TJP1: variants seen among roughly 807,000 people sequenced by gnomAD.
TJP1 encodes tight junction protein 1, also known as tight junction protein ZO-1.
TJP1 carries 43 observed loss-of-function variants against 194.2 expected under a neutral mutation model. The observed-to-expected ratio is 0.22, with a 90% CI of 0.17 to 0.29. The LOEUF is 0.29. Among genes scored for constraint, TJP1 ranks in the 10% least tolerant of loss-of-function variants. The pLI is 1.00. For missense variants in TJP1, 1,971 were observed against 2,185.7 expected, an observed-to-expected ratio of 0.90 and a Z score of 1.96; for synonymous variants, 801 against 779.0, an observed-to-expected ratio of 1.03 and a Z score of -0.47.
At chr15:29,815,865 G>C (rs1437705691) in intron 1 of TJP1, among the ~76,000 whole-genome samples, 1 of 152,196 alleles carries the variant, frequency 6.6e-6, no homozygotes, top group African/African-American at 2.4e-5. Context: ...GTCAGAGCCA[G>C]ACCTTGTTTC....
intron 2 of TJP1, among the ~76,000 whole-genome samples, chr15:29,916,116 G>A (rs2054175954): frequency 6.6e-6 from 1 of 151,838 alleles, no homozygotes; most frequent in Admixed American, 6.6e-5. Flanking sequence ...GTGGTGGCAG[G>A]CACCTGTAAT....
At chr15:29,862,018 T>G (rs943851610) in intron 2 of TJP1, among the ~76,000 whole-genome samples, 31 of 152,304 alleles carry the variant, frequency 2.0e-4, no homozygotes, top group African/African-American at 7.0e-4. Context: ...TTAATTTTTG[T>G]GTATAGTATG....
intron 2 of TJP1, among the ~76,000 whole-genome samples, chr15:29,950,721 T>A (rs1159792590): frequency 6.6e-6 from 1 of 152,198 alleles, no homozygotes; most frequent in African/African-American, 2.4e-5. Flanking sequence ...GTTCTCACCA[T>A]TTCATGCCCA....
At chr15:29,867,923 G>A (rs1007962442) in intron 2 of TJP1, among the ~76,000 whole-genome samples, 6 of 152,092 alleles carry the variant, frequency 3.9e-5, no homozygotes, top group African/African-American at 1.4e-4. Context: ...GGGTGTGGTG[G>A]TGCATGCCAG....
chr15:29,863,025 T>G lies in TJP1; in HGVS notation c.307-62323A>C, dbSNP rs1004888910. ...AATCTGATTGCTTGTCTGGGCACGG[T>G]GGCTCATGCCTATAATCCGAGCACT... On this transcript the variant is annotated intron_variant, in intron 2 of 28. Transcript: ENST00000356107. Among the ~76,000 whole-genome samples the G allele has an allele frequency of 5.2e-4, 78 of 151,248 alleles. 1 individual carries two copies. Among genetic ancestry groups the G allele is most frequent in the African/African-American group, 1.8e-3 (73 of 41,352 alleles).
intron 2 of TJP1, among the ~76,000 whole-genome samples, chr15:29,836,570 G>A (rs73369389): frequency 0.02 from 3,010 of 152,122 alleles, 107 homozygotes; most frequent in African/African-American, 0.07. Context: ...GCGCCCAGCC[G>A]GGATGATCAA....
intron 2 of TJP1, among the ~76,000 whole-genome samples, chr15:29,869,804 T>TCTTTC (rs1567150656): frequency 8.2e-6 from 1 of 121,926 alleles, no homozygotes; most frequent in African/African-American, 3.1e-5. Flanking sequence ...TCTTTTTTTT[T>TCTTTC]TTTTTTTTTT....
At chr15:29,774,232 C>T (rs1020672948) in intron 2 of TJP1, among the ~76,000 whole-genome samples, 1 of 151,972 alleles carries the variant, frequency 6.6e-6, no homozygotes, top group Non-Finnish European at 1.5e-5. Flanking sequence ...CTTTCCAGTC[C>T]GCAACAGAGG....
At chr15:29,930,756 T>C (rs552384305) in intron 2 of TJP1, among the ~76,000 whole-genome samples, 1 of 152,250 alleles carries the variant, frequency 6.6e-6, no homozygotes, top group East Asian at 1.9e-4. Flanking sequence ...AGGACTGGCG[T>C]AAGGATTGGA....
chr15:29,898,579 G>A (rs756049962), intron 2 of TJP1, among the ~76,000 whole-genome samples: 72 of 152,014 alleles, frequency 4.7e-4, no homozygotes, highest in African/African-American at 9.2e-4. Flanking sequence ...TTAGACAAAT[G>A]AACACAACAT....
In TJP1 at chr15:29,912,659, G is replaced by A. The variant is rs184608466; in HGVS notation, c.306+43573C>T. Among the ~76,000 whole-genome samples the A allele has an allele frequency of 4.7e-3, 572 of 122,038 alleles. 2 individuals are homozygous for A. The highest frequency in any genetic ancestry group is 0.017 in the African/African-American group (539 of 30,868). 80.1% of individuals were successfully genotyped at this position (122,038 alleles called of 152,430 possible). A position where few individuals can be genotyped will look rare whatever the true frequency, so the allele number is the denominator to read the frequency against. ...TACAGTGAGCTGAGATCATGCCACT[G>A]CACTCCAGCCTGGGAGACAGAGCAA... is the stretch of plus-strand genomic sequence containing the variant. On this transcript the variant is annotated intron_variant, in intron 2 of 28. Transcript: ENST00000356107.
chr15:29,702,182 A>G (rs925738445), intron 27 of TJP1, among the ~76,000 whole-genome samples: 1 of 152,106 alleles, frequency 6.6e-6, no homozygotes, highest in Admixed American at 6.5e-5. Flanking sequence ...CTCACACTCA[A>G]CTATAAACCA....
At chr15:29,874,559 T>A (rs2052633770) in intron 2 of TJP1, among the ~76,000 whole-genome samples, 1 of 152,174 alleles carries the variant, frequency 6.6e-6, no homozygotes, top group African/African-American at 2.4e-5. Context: ...AGCAAGTTGT[T>A]GTCTATGTTC....
At chr15:29,890,664 C>T (rs1321603248) in intron 2 of TJP1, among the ~76,000 whole-genome samples, 2 of 152,108 alleles carry the variant, frequency 1.3e-5, no homozygotes, top group South Asian at 2.1e-4. Context: ...GAATAGAGTC[C>T]GCTCAATAAA....
chr15:29,763,130 G>C (rs1047346949), intron 5 of TJP1, among the ~76,000 whole-genome samples: 5 of 152,084 alleles, frequency 3.3e-5, no homozygotes, highest in African/African-American at 1.2e-4. Flanking sequence ...GGCAGATGTG[G>C]GCAGGAGTTA....
chr15:29,802,730 A>G (rs554432309), intron 1 of TJP1, among the ~76,000 whole-genome samples: 3 of 152,162 alleles, frequency 2.0e-5, no homozygotes, highest in Non-Finnish European at 4.4e-5. Context: ...AGTTTGTCCA[A>G]TCTCAGCTGA....
rs2041466983 is a variant in TJP1 at position 29,700,384 on chromosome 15, G to C, written c.*1211C>G. Reference sequence around the variant, plus strand: ...TTTGCAAGAATTTAATCAAACTAGAGAATTCTGAGTAACTGTATCTTTTAA... The same window carrying C: ...TTTGCAAGAATTTAATCAAACTAGACAATTCTGAGTAACTGTATCTTTTAA... On this transcript the variant is annotated 3_prime_UTR_variant, in exon 28 of 28. Coordinates refer to ENST00000614355, the MANE Select transcript of TJP1 (RefSeq NM_001330239.4). 1.3e-5 allele frequency: 5 copies of C among 398,798 alleles called. No individual in the cohort carries two copies. The East Asian group carries it at 1.8e-4, about 14-fold the overall frequency. 24.7% of individuals were successfully genotyped at this position (398,798 alleles called of 1,614,324 possible).
intron 2 of TJP1, among the ~76,000 whole-genome samples, chr15:29,878,202 A>G (rs1016554624): frequency 7.9e-5 from 12 of 151,564 alleles, no homozygotes; most frequent in Admixed American, 7.9e-4. Flanking sequence ...GGCGCCCGCT[A>G]CCATGCTTGG....
intron 2 of TJP1, among the ~76,000 whole-genome samples, chr15:29,909,888 T>C (rs1309012040): frequency 6.6e-6 from 1 of 152,134 alleles, no homozygotes; most frequent in Non-Finnish European, 1.5e-5. Flanking sequence ...AGTTAAGTTG[T>C]TGGAGGCAGA....
Sources: gnomAD v4.1 joint callset for allele counts (sites outside exome capture counted in the v4.1 genomes callset) on GRCh38, gnomAD v4.1.1 for gene constraint, MANE v1.5 for transcripts, NCBI Gene and HGNC (gene_info 2026-07-23, HGNC 2026-07-21) for gene names.